OR51B5: variants seen among roughly 807,000 people sequenced by gnomAD.
OR51B5 encodes the protein olfactory receptor family 51 subfamily B member 5, also known as olfactory receptor 51B5.
For synonymous variants in OR51B5, 186 were observed against 144.8 expected, an observed-to-expected ratio of 1.28 and a Z score of -2.04; for missense variants, 456 against 374.6, an observed-to-expected ratio of 1.22 and a Z score of -1.79.
chr11:5,434,302 T>C lies in OR51B5; in HGVS notation n.84+71267A>G, dbSNP rs115551160. On this transcript the variant is annotated intron_variant and non_coding_transcript_variant, in intron 1 of 4. Coordinates refer to the OR51B5 transcript ENST00000415970. The stretch of plus-strand genomic sequence containing the variant: ...AGCTCTCCCTGTCTCCCTCCATGAC[T>C]TTCAGATAACTTTCCTACTCCACTC... Among the ~76,000 whole-genome samples, 1,509 of 152,286 alleles carry C rather than the reference T, an allele frequency of 9.9e-3. 28 individuals are homozygous for C. Among genetic ancestry groups the C allele is most frequent in the African/African-American group, 0.035 (1,444 of 41,566 alleles).
intron 1 of OR51B5, among the ~76,000 whole-genome samples, chr11:5,387,952 T>C (rs893315230): frequency 6.6e-6 from 1 of 152,186 alleles, no homozygotes; most frequent in Non-Finnish European, 1.5e-5. Context: ...CATTGTATTT[T>C]CAGTACCTAG....
intron 1 of OR51B5, chr11:5,389,811 T>C (rs1440517437): frequency 1.2e-6 from 2 of 1,613,872 alleles, no homozygotes; most frequent in Non-Finnish European, 1.7e-6. Context: ...CTTGTGGCCA[T>C]CTGCCACCCT....
At chr11:5,343,040 T>C (rs562604448) in exon 1 of OR51B5, 6 of 1,613,350 alleles carry the variant, frequency 3.7e-6, no homozygotes, top group East Asian at 4.5e-5. Context: ...CAGAAAAAAA[T>C]AGAGGGGCCT....
chr11:5,444,795 T>G (rs1468138858), intron 1 of OR51B5, among the ~76,000 whole-genome samples: 1 of 152,128 alleles, frequency 6.6e-6, no homozygotes, highest in Non-Finnish European at 1.5e-5. Context: ...AAGAGTGAGT[T>G]GGGCCATAAG....
intron 1 of OR51B5, among the ~76,000 whole-genome samples, chr11:5,447,110 A>T (rs552456864): frequency 1.1e-4 from 16 of 152,350 alleles, no homozygotes; most frequent in African/African-American, 3.4e-4. Flanking sequence ...GAGATCATGT[A>T]TCTCACAATG....
exon 1 of OR51B5, chr11:5,342,694 G>C (rs1848914898): frequency 8.7e-6 from 14 of 1,613,766 alleles, no homozygotes; most frequent in Non-Finnish European, 1.1e-5. Flanking sequence ...ACAGAAAATA[G>C]GCATAGCTCA....
At chr11:5,374,861 T>G (rs1432963313) in intron 1 of OR51B5, among the ~76,000 whole-genome samples, 2 of 152,072 alleles carry the variant, frequency 1.3e-5, no homozygotes, top group Non-Finnish European at 2.9e-5. Context: ...GTCTGATTGG[T>G]GTACCTGAAA....
chr11:5,441,186 G>A lies in OR51B5; in HGVS notation n.84+64383C>T, dbSNP rs201278585. On this transcript the variant is annotated intron_variant and non_coding_transcript_variant, in intron 1 of 4. Coordinates refer to the OR51B5 transcript ENST00000415970. ...CAGCAGTATGCCTGACTCCATGAAGGAGAAAGTGTGGATGAAGAACATCTG... is the reference window on the plus strand; with the variant it reads ...CAGCAGTATGCCTGACTCCATGAAGAAGAAAGTGTGGATGAAGAACATCTG... 5.8e-5 allele frequency: 93 copies of A among 1,613,872 alleles called. No homozygotes were observed. The highest frequency in any genetic ancestry group is 3.3e-4 in the Middle Eastern group (2 of 6,084).
intron 1 of OR51B5, among the ~76,000 whole-genome samples, chr11:5,396,188 C>A (rs1849867724): frequency 6.6e-6 from 1 of 152,208 alleles, no homozygotes; most frequent in South Asian, 2.1e-4. Flanking sequence ...CTCACCACTC[C>A]TATTCAACAT....
intron 1 of OR51B5, among the ~76,000 whole-genome samples, chr11:5,478,129 G>C (rs922312552): frequency 2.0e-5 from 3 of 151,584 alleles, no homozygotes; most frequent in Non-Finnish European, 4.4e-5. Context: ...GCTTTGAAGA[G>C]AGCAGTGGTT....
At chr11:5,347,317 A>G (rs1364411855), upstream of OR51B5, among the ~76,000 whole-genome samples, 4 of 152,320 alleles carry the variant, frequency 2.6e-5, no homozygotes, top group South Asian at 4.1e-4. Flanking sequence ...TTTAGATCAG[A>G]GAAAGCTTGA....
chr11:5,488,926 C>G (rs943212534), intron 1 of OR51B5: 1 of 1,613,944 alleles, frequency 6.2e-7, no homozygotes, highest in African/African-American at 1.3e-5. Context: ...ACTCACAGAC[C>G]TGGCTCTCAG....
chr11:5,458,783 T>C (rs1851002117), intron 1 of OR51B5, among the ~76,000 whole-genome samples: 1 of 152,250 alleles, frequency 6.6e-6, no homozygotes, highest in African/African-American at 2.4e-5. Flanking sequence ...GTAGAAATGC[T>C]ACTGATTTTT....
At chr11:5,414,609 C>CA (rs202229480) in intron 1 of OR51B5, among the ~76,000 whole-genome samples, 51,229 of 150,530 alleles carry the variant, frequency 0.34, 8,938 homozygotes, top group South Asian at 0.4. Context: ...AAATGGAAAA[C>CA]AAAAAAAGGC....
intron 1 of OR51B5, among the ~76,000 whole-genome samples, chr11:5,443,821 C>T (rs1239417733): frequency 2.0e-5 from 3 of 151,874 alleles, no homozygotes. Flanking sequence ...GAAGGAAGGT[C>T]AAGAAGGTGG....
intron 1 of OR51B5, chr11:5,488,991 T>C: frequency 6.2e-7 from 1 of 1,614,104 alleles, no homozygotes; most frequent in Non-Finnish European, 8.5e-7. Context: ...CTGGTGAGAT[T>C]TCCTTTGGTG....
chr11:5,501,006 A>T (rs1360855537), intron 1 of OR51B5, among the ~76,000 whole-genome samples: 3 of 148,390 alleles, frequency 2.0e-5, no homozygotes, highest in African/African-American at 7.3e-5. Context: ...GAATGGGAAG[A>T]AGTTATAATG....
At chr11:5,413,084 A>C (rs1850176653) in intron 1 of OR51B5, among the ~76,000 whole-genome samples, 1 of 152,194 alleles carries the variant, frequency 6.6e-6, no homozygotes, top group African/African-American at 2.4e-5. Flanking sequence ...CCTCTGAGAC[A>C]AAACTTCCAG....
At chr11:5,453,760 A>T in intron 1 of OR51B5, 1 of 1,614,190 alleles carries the variant, frequency 6.2e-7, no homozygotes. Flanking sequence ...AATGCCCGCA[A>T]CATCACTTTT....
Sources: allele counts gnomAD v4.1 joint callset (sites outside exome capture counted in the v4.1 genomes callset), GRCh38; gene constraint gnomAD v4.1.1; transcripts MANE v1.5; gene names NCBI Gene and HGNC (gene_info 2026-07-23, HGNC 2026-07-21).